Variants in AFF1 observed in about 807,000 individuals in gnomAD.
AFF1 encodes AF4/FMR2 family member 1.
Under a neutral mutation model 121.7 loss-of-function variants are expected in AFF1, and 48 were observed. The observed-to-expected ratio is 0.39, with a 90% confidence interval of 0.31 to 0.50. The LOEUF (loss-of-function observed/expected upper bound fraction) is 0.50, where lower values mean the gene tolerates loss of function less well. Ranked by LOEUF, AFF1 falls within the 20% of genes least tolerant of loss-of-function variation. AFF1 has a pLI of 0.76. For missense variants in AFF1, 1,523 were observed against 1,511.7 expected (o/e 1.01, Z -0.12); for synonymous variants, 613 against 563.0 (o/e 1.09, Z -1.26).
chr4:86,958,092 T>C (rs13132180), intron 2 of AFF1, among the ~76,000 whole-genome samples: 736 of 28,672 alleles, frequency 0.026, no homozygotes, highest in South Asian at 0.08. Flanking sequence ...TTTTTTTTCC[T>C]TTTTTTTTTT....
In AFF1 at chr4:87,077,498, G is replaced by T. The variant is rs564432506; in HGVS notation, c.1060-6622G>T. 5.9e-5 allele frequency among the ~76,000 whole-genome samples: 9 copies of T among 152,194 alleles called. No homozygotes were observed. The East Asian group carries it at 1.5e-3, about 26-fold the overall frequency. The stretch of plus-strand genomic sequence containing the variant: ...TTTCAATCTAATATTTGTGTTTTTA[G>T]TAATGAATAGGTAATAGGTCAGAAT... On this transcript the variant is annotated intron_variant, in intron 4 of 20. Transcript: ENST00000395146.
intron 4 of AFF1, among the ~76,000 whole-genome samples, chr4:87,061,855 ATG>A (rs10597574): frequency 0.43 from 65,487 of 151,830 alleles, 14,673 homozygotes; most frequent in African/African-American, 0.56. Context: ...CCTTAAAAAA[ATG>A]TGATTGATTT....
intron 4 of AFF1, among the ~76,000 whole-genome samples, chr4:87,057,155 T>C (rs867118111): frequency 3.1e-4 from 47 of 150,362 alleles, no homozygotes; most frequent in African/African-American, 1.1e-3. Flanking sequence ...GCTAAAGGCT[T>C]AGGAAGAGAA....
At chr4:87,120,318 CAA>C (rs1727551558) in intron 12 of AFF1, among the ~76,000 whole-genome samples, 1 of 152,206 alleles carries the variant, frequency 6.6e-6, no homozygotes, top group Non-Finnish European at 1.5e-5. Context: ...TGAATTTCCC[CAA>C]AGACTGCTTC....
In AFF1 at chr4:87,130,963, A is replaced by G. The variant is rs1015784071; in HGVS notation, c.2965-120A>G. 4 of 1,332,408 alleles carry G rather than the reference A, an allele frequency of 3.0e-6. No homozygotes were observed. In the Admixed American group the frequency reaches 8.8e-5, roughly 29 times the overall value. 82.5% of individuals were successfully genotyped at this position (1,332,408 alleles called of 1,614,324 possible). On this transcript the variant is annotated intron_variant, in intron 16 of 20. Coordinates refer to ENST00000395146, the MANE Select transcript of AFF1 (RefSeq NM_001166693.3). ...TCATTTTTAGTTCATTCATCCTCACACTTCTCCCTGGCCATAATTAAACTA... is the reference window on the plus strand; with the variant it reads ...TCATTTTTAGTTCATTCATCCTCACGCTTCTCCCTGGCCATAATTAAACTA...
At chr4:87,049,101 G>T (rs371804458) in intron 4 of AFF1, among the ~76,000 whole-genome samples, 5 of 146,928 alleles carry the variant, frequency 3.4e-5, no homozygotes, top group Admixed American at 1.4e-4. Context: ...AAAAAGGGGG[G>T]GGGGGGACAA....
chr4:86,974,662 T>C (rs1723169782), intron 2 of AFF1, among the ~76,000 whole-genome samples: 1 of 152,212 alleles, frequency 6.6e-6, no homozygotes, highest in African/African-American at 2.4e-5. Flanking sequence ...GAAAGGATGG[T>C]ATTTTTTCTA....
chr4:87,066,210 C>T (rs1310196266), intron 4 of AFF1, among the ~76,000 whole-genome samples: 1 of 152,150 alleles, frequency 6.6e-6, no homozygotes, highest in African/African-American at 2.4e-5. Flanking sequence ...TCATCAAAAG[C>T]CTTAGAATGG....
intron 2 of AFF1, among the ~76,000 whole-genome samples, chr4:86,992,040 CAT>C (rs1724772204): frequency 6.6e-6 from 1 of 152,070 alleles, no homozygotes; most frequent in South Asian, 2.1e-4. Context: ...TGTGCTGAAA[CAT>C]ATCTAGGTAT....
intron 4 of AFF1, among the ~76,000 whole-genome samples, chr4:87,071,466 A>T (rs1722045258): frequency 1.3e-5 from 2 of 152,070 alleles, no homozygotes; most frequent in South Asian, 4.2e-4. Context: ...TTTATGGAGG[A>T]TATTGCTGTA....
chr4:87,095,774 A>G (rs1487740775), intron 8 of AFF1, among the ~76,000 whole-genome samples: 4 of 151,574 alleles, frequency 2.6e-5, no homozygotes. Flanking sequence ...TTTTGACCCA[A>G]TTTGTCATTT....
intron 12 of AFF1, among the ~76,000 whole-genome samples, chr4:87,120,449 C>T (rs979228201): frequency 6.6e-6 from 1 of 152,206 alleles, no homozygotes; most frequent in Non-Finnish European, 1.5e-5. Context: ...CAGCTGCCAC[C>T]TTTTATAGAT....
intron 12 of AFF1, among the ~76,000 whole-genome samples, chr4:87,116,779 G>T (rs945753342): frequency 1.3e-5 from 2 of 152,178 alleles, no homozygotes; most frequent in Non-Finnish European, 2.9e-5. Flanking sequence ...CTAGAAGAGG[G>T]CATATTTTCA....
At chr4:87,078,811 T>A (rs1184648454) in intron 4 of AFF1, among the ~76,000 whole-genome samples, 2 of 152,184 alleles carry the variant, frequency 1.3e-5, no homozygotes, top group Non-Finnish European at 2.9e-5. Context: ...AAACTTTGGA[T>A]AGATAACCTA....
chr4:87,098,828 G>T (rs1725133690), intron 8 of AFF1, among the ~76,000 whole-genome samples: 1 of 152,202 alleles, frequency 6.6e-6, no homozygotes, highest in South Asian at 2.1e-4. Flanking sequence ...CTGAGATTGG[G>T]ATTGTCCCTC....
At chr4:87,042,627 T>A (rs1000635618) in intron 2 of AFF1, among the ~76,000 whole-genome samples, 2 of 152,158 alleles carry the variant, frequency 1.3e-5, no homozygotes, top group Non-Finnish European at 2.9e-5. Context: ...AAAAAGAAAA[T>A]TTGTCTCGAA....
intron 8 of AFF1, among the ~76,000 whole-genome samples, chr4:87,097,895 C>T (rs1219888246): frequency 3.3e-5 from 5 of 152,168 alleles, no homozygotes; most frequent in African/African-American, 7.2e-5. Flanking sequence ...TCTTAGTGCT[C>T]GCGGGTTGAT....
chr4:87,045,856 C>A (rs1156388923), intron 2 of AFF1, among the ~76,000 whole-genome samples: 1 of 152,082 alleles, frequency 6.6e-6, no homozygotes, highest in Non-Finnish European at 1.5e-5. Context: ...TTAATCTTGT[C>A]TCAGTTCCAC....
At chr4:87,058,413 C>T (rs1720376458) in intron 4 of AFF1, among the ~76,000 whole-genome samples, 2 of 152,066 alleles carry the variant, frequency 1.3e-5, no homozygotes, top group Non-Finnish European at 2.9e-5. Context: ...TTTTGGTCTT[C>T]GTGGCCATGT....
Sources: gnomAD v4.1 joint callset for allele counts (sites outside exome capture counted in the v4.1 genomes callset) on GRCh38, gnomAD v4.1.1 for gene constraint, MANE v1.5 for transcripts, NCBI Gene and HGNC (gene_info 2026-07-23, HGNC 2026-07-21) for gene names.